Variants in FADD observed in about 807,000 individuals in gnomAD.
FADD encodes the protein FAS-associated death domain protein.
In FADD, 3 loss-of-function variants were observed where a neutral mutation model predicts 5.8. The ratio of observed to expected loss-of-function variants is 0.52; its 90% CI spans 0.24 to 1.34. FADD has a LOEUF of 1.34. Among genes scored for constraint, FADD ranks in the 40% most tolerant of loss-of-function variants. The probability of loss-of-function intolerance (pLI) is 0.17; values close to 1 mark genes in which losing one functional copy is unlikely to be tolerated. For synonymous variants in FADD, 138 were observed against 130.8 expected (o/e 1.06, Z -0.38); for missense variants, 249 against 286.7 (o/e 0.87, Z 0.95).
chr11:70,205,534 G>A (rs1408401010), intron 1 of FADD, among the ~76,000 whole-genome samples: 2 of 152,150 alleles, frequency 1.3e-5, no homozygotes, highest in East Asian at 1.9e-4. Flanking sequence ...GGTCTCGTCC[G>A]CTTTGTGGTG....
At chr11:70,203,956 CT>C (rs953310897) in intron 1 of FADD, among the ~76,000 whole-genome samples, 3 of 152,166 alleles carry the variant, frequency 2.0e-5, no homozygotes, top group African/African-American at 7.2e-5. Flanking sequence ...ACGCACAGTC[CT>C]TTTTCCTCCA....
At chr11:70,204,606 G>A in intron 1 of FADD, among the ~76,000 whole-genome samples, 1 of 152,060 alleles carries the variant, frequency 6.6e-6, no homozygotes, top group Non-Finnish European at 1.5e-5. Context: ...AATCAGATAG[G>A]GCCTAAATGT....
rs1156970935 is a variant in FADD at position 70,206,578 on chromosome 11, G to A, written c.*105G>A. 3.8e-6 allele frequency: 4 copies of A among 1,058,574 alleles called. No individual in the cohort carries two copies. Among genetic ancestry groups the A allele is most frequent in the Non-Finnish European group, 5.6e-6 (4 of 709,982 alleles). 65.6% of individuals were successfully genotyped at this position (1,058,574 alleles called of 1,614,324 possible). A position where few individuals can be genotyped will look rare whatever the true frequency, so the allele number is the denominator to read the frequency against. On this transcript the variant is annotated 3_prime_UTR_variant, in exon 2 of 2. Transcript: ENST00000301838. ...ACTGTGAAGACCCAGCAGGAAGCCA[G>A]GCTGAGTGAGCCACAGACCACCTGC...
rs539369302 is a variant in FADD at position 70,206,843 on chromosome 11, C to T, written c.*370C>T. 1.1e-4 allele frequency: 32 copies of T among 280,890 alleles called. No homozygotes were observed. In the Middle Eastern group the frequency reaches 4.0e-3, roughly 35 times the overall value. The allele number at this position is 280,890 out of a possible 1,614,324, so 17.4% of individuals were successfully genotyped here. A position where few individuals can be genotyped will look rare whatever the true frequency, so the allele number is the denominator to read the frequency against. On this transcript the variant is annotated 3_prime_UTR_variant, in exon 2 of 2. Coordinates refer to ENST00000301838, the MANE Select transcript of FADD (RefSeq NM_003824.4). ...GAGACCAGCTCAGAGGCCCAGGAAT[C>T]GGAGCGAAGCAGAGAGGTGGAGAAC... is the stretch of plus-strand genomic sequence containing the variant.
chr11:70,206,224 C>G lies in FADD; in HGVS notation c.378C>G (p.Ile126Met), dbSNP rs61757382. 9 of 1,613,960 alleles carry G rather than the reference C, an allele frequency of 5.6e-6. No homozygotes were observed. The highest frequency in any genetic ancestry group is 1.1e-5 in the South Asian group (1 of 91,068). ...ARQLKVSDTK[I>M]DSIEDRYPRN... ...AGCTCAAAGTCTCAGACACCAAGAT[C>G]GACAGCATCGAGGACAGATACCCCC... The change falls in exon 2 of 2, where the codon ATC becomes ATG. Residue 126 changes from isoleucine (I) to methionine (M), a missense_variant. Ile to Met is a conservative substitution (Grantham distance 10). Coordinates refer to ENST00000301838, the MANE Select transcript of FADD (RefSeq NM_003824.4).
At chr11:70,205,108 A>C (rs1171150854) in intron 1 of FADD, among the ~76,000 whole-genome samples, 4 of 152,162 alleles carry the variant, frequency 2.6e-5, no homozygotes, top group Non-Finnish European at 5.9e-5. Flanking sequence ...CAGTCATGGT[A>C]ACACAGTGCC....
At chr11:70,204,819 G>A (rs2049447299) in intron 1 of FADD, among the ~76,000 whole-genome samples, 1 of 152,156 alleles carries the variant, frequency 6.6e-6, no homozygotes, top group Non-Finnish European at 1.5e-5. Context: ...GGCGGTCTAC[G>A]AAACATAGCT....
At position 70,203,718 on chromosome 11, in the gene FADD, G is replaced by A. The variant is rs1338148178; in HGVS notation, c.259G>A (p.Ala87Thr). The A allele has an allele frequency of 1.4e-6, 2 of 1,416,106 alleles. No homozygotes were observed. Among genetic ancestry groups the A allele is most frequent in the African/African-American group, 3.0e-5 (2 of 66,878 alleles). The allele number at this position is 1,416,106 out of a possible 1,614,324, so 87.7% of individuals were successfully genotyped here. ...RRVDDFEAGA[A>T]AGAAPGEEDL... ...CGTCGACGACTTCGAGGCGGGGGCG[G>A]CGGCCGGGGCCGCGCCTGGGGAAGA... The change falls in exon 1 of 2, where the codon GCG becomes ACG. Residue 87 changes from alanine (A) to threonine (T), a missense_variant. Physicochemically the swap from Ala to Thr is moderately conservative, Grantham distance 58. Coordinates refer to ENST00000301838, the MANE Select transcript of FADD (RefSeq NM_003824.4).
Position 70,203,406 on chromosome 11 carries a change from A to T in FADD, c.-54A>T, listed in dbSNP as rs1590965770. ...CCTGGCCAGGGCCAGCGAGCCGAGG[A>T]CAGAGGGCGCACGGAGGGCCGGGCC... On this transcript the variant is annotated 5_prime_UTR_variant, in exon 1 of 2. Transcript: ENST00000301838. 1 of 1,547,148 alleles carries T rather than the reference A, an allele frequency of 6.5e-7. No individual in the cohort carries two copies. The highest frequency in any genetic ancestry group is 2.4e-5 in the East Asian group (1 of 40,860).
At position 70,206,565 on chromosome 11, in the gene FADD, C is replaced by A; in HGVS notation, c.*92C>A. On this transcript the variant is annotated 3_prime_UTR_variant, in exon 2 of 2. Coordinates refer to ENST00000301838, the MANE Select transcript of FADD (RefSeq NM_003824.4). ...AAGGTAGCCCAGCACTGTGAAGACC[C>A]AGCAGGAAGCCAGGCTGAGTGAGCC... is the stretch of plus-strand genomic sequence containing the variant. The A allele has an allele frequency of 8.1e-7, 1 of 1,227,338 alleles. No individual in the cohort carries two copies. Among genetic ancestry groups the A allele is most frequent in the Non-Finnish European group, 1.2e-6 (1 of 857,820 alleles). The allele number at this position is 1,227,338 out of a possible 1,614,324, so 76.0% of individuals were successfully genotyped here.
At chr11:70,203,787 C>G (rs913710634) in intron 1 of FADD, 42 bp downstream of exon 1, 1 of 1,045,348 alleles carries the variant, frequency 9.6e-7, no homozygotes, top group Non-Finnish European at 1.3e-6. Context: ...GCCTGGTCGC[C>G]CGGCTGTAGG....
chr11:70,204,318 G>T (rs1196046404), intron 1 of FADD, among the ~76,000 whole-genome samples: 2 of 152,230 alleles, frequency 1.3e-5, no homozygotes, highest in Non-Finnish European at 2.9e-5. Context: ...CTAGGCTTGA[G>T]CCAAGCAGTC....
intron 1 of FADD, among the ~76,000 whole-genome samples, chr11:70,205,125 A>C (rs2049449640): frequency 6.6e-6 from 1 of 151,726 alleles, no homozygotes; most frequent in African/African-American, 2.4e-5. Context: ...TGCCCAGCCC[A>C]CAGGGCTGTC....
Position 70,206,639 on chromosome 11 carries a change from C to T in FADD, c.*166C>T, listed in dbSNP as rs924488047. The T allele has an allele frequency of 7.6e-6, 5 of 660,106 alleles. No individual in the cohort carries two copies. The highest frequency in any genetic ancestry group is 1.8e-5 in the South Asian group (1 of 57,126). The allele number at this position is 660,106 out of a possible 1,614,324, so 40.9% of individuals were successfully genotyped here. A position where few individuals can be genotyped will look rare whatever the true frequency, so the allele number is the denominator to read the frequency against. On this transcript the variant is annotated 3_prime_UTR_variant, in exon 2 of 2. Coordinates refer to ENST00000301838, the MANE Select transcript of FADD (RefSeq NM_003824.4). ...AAGCTGCGTTTATTAATGCCTCTCC[C>T]GCACCAGGCCGGGCTTGGGCCCTGC...
chr11:70,204,959 CCAGAAGTT>C (rs933496684), intron 1 of FADD, among the ~76,000 whole-genome samples: 5 of 152,130 alleles, frequency 3.3e-5, no homozygotes, highest in African/African-American at 1.2e-4. Flanking sequence ...GCCTTCCTCC[CCAGAAGTT>C]CAGCATAGCG....
intron 1 of FADD, among the ~76,000 whole-genome samples, chr11:70,204,418 CCT>C (rs1485728232): frequency 5.9e-5 from 9 of 152,188 alleles, no homozygotes; most frequent in African/African-American, 2.2e-4. Flanking sequence ...TCGGTCACTC[CCT>C]CTCCACCCTC....
At position 70,206,556 on chromosome 11, in the gene FADD, G is replaced by C. The variant is rs532469239; in HGVS notation, c.*83G>C. ...CTCTCCAGGAAGGTAGCCCAGCACTGTGAAGACCCAGCAGGAAGCCAGGCT... is the reference window on the plus strand; with the variant it reads ...CTCTCCAGGAAGGTAGCCCAGCACTCTGAAGACCCAGCAGGAAGCCAGGCT... On this transcript the variant is annotated 3_prime_UTR_variant, in exon 2 of 2. Coordinates refer to ENST00000301838, the MANE Select transcript of FADD (RefSeq NM_003824.4). 1.9e-4 allele frequency: 251 copies of C among 1,331,278 alleles called. No homozygotes were observed. In the Admixed American group the frequency reaches 4.6e-3, roughly 24 times the overall value. 82.5% of individuals were successfully genotyped at this position (1,331,278 alleles called of 1,614,324 possible).
At position 70,203,754 on chromosome 11, in the gene FADD, G is replaced by C. The variant is rs1027426173; in HGVS notation, c.286+9G>C. The stretch of plus-strand genomic sequence containing the variant: ...CGCGCCTGGGGAAGAAGGTGGGCGC[G>C]GGGCCGGGCCGGGGGAGCCAGGGCC... On this transcript the variant is annotated intron_variant, in intron 1 of 1. Transcript: ENST00000301838. The C allele has an allele frequency of 9.3e-6, 12 of 1,286,142 alleles. No homozygotes were observed. The highest frequency in any genetic ancestry group is 1.2e-5 in the Non-Finnish European group (12 of 1,003,234). 79.7% of individuals were successfully genotyped at this position (1,286,142 alleles called of 1,614,324 possible).
In FADD at chr11:70,206,459, T is replaced by A. The variant is rs766817620; in HGVS notation, c.613T>A (p.Ser205Thr). The change falls in exon 2 of 2, where the codon TCC (serine) becomes ACC (threonine). Residue 205 changes from serine to threonine, a missense_variant. Transcript: ENST00000301838. Reference sequence around the variant, plus strand: ...GTCATGGAACTCAGACGCATCTACCTCCGAAGCGTCCTGATGGGCCGCTGC... The same window carrying A: ...GTCATGGAACTCAGACGCATCTACCACCGAAGCGTCCTGATGGGCCGCTGC... ...PMSWNSDAST[S>T]EAS is the part of the protein sequence containing the mutation. 6.2e-7 allele frequency: 1 copy of A among 1,613,582 alleles called. No homozygotes were observed. The highest frequency in any genetic ancestry group is 1.1e-5 in the South Asian group (1 of 91,066).
Sources: gnomAD v4.1 joint callset for allele counts (sites outside exome capture counted in the v4.1 genomes callset) on GRCh38, gnomAD v4.1.1 for gene constraint, MANE v1.5 for transcripts, NCBI Gene and HGNC (gene_info 2026-07-23, HGNC 2026-07-21) for gene names.